FHIT: variants seen among roughly 807,000 people sequenced by gnomAD.
The protein encoded by FHIT is fragile histidine triad diadenosine triphosphatase.
A neutral mutation model predicts 17.9 loss-of-function variants in FHIT; 19 were observed. The observed-to-expected ratio is 1.06, with a 90% CI of 0.74 to 1.56. FHIT has a LOEUF of 1.56. Among genes scored for constraint, FHIT ranks in the 40% most tolerant of loss-of-function variants. The pLI, the probability that FHIT is intolerant of heterozygous loss-of-function variation, is 0.00. For missense variants in FHIT, 248 were observed against 189.2 expected, an observed-to-expected ratio of 1.31 and a Z score of -1.82; for synonymous variants, 81 against 69.7, an observed-to-expected ratio of 1.16 and a Z score of -0.81.
At chr3:61,180,935 T>C (rs2038322133) in intron 2 of FHIT, among the ~76,000 whole-genome samples, 1 of 152,224 alleles carries the variant, frequency 6.6e-6, no homozygotes, top group African/African-American at 2.4e-5. Context: ...CTTTAAATTA[T>C]CAATTTAATA....
intron 5 of FHIT, among the ~76,000 whole-genome samples, chr3:60,102,875 A>G (rs986749654): frequency 6.6e-6 from 1 of 152,230 alleles, no homozygotes; most frequent in Non-Finnish European, 1.5e-5. Context: ...CGTGTCTGAT[A>G]AAATCACAAT....
intron 3 of FHIT, among the ~76,000 whole-genome samples, chr3:60,890,448 C>T (rs563043187): frequency 1.3e-5 from 2 of 152,256 alleles, no homozygotes; most frequent in Admixed American, 1.3e-4. Context: ...AATTCCTGAC[C>T]TACAGAACCT....
At chr3:60,155,851 C>A (rs1280874414) in intron 5 of FHIT, among the ~76,000 whole-genome samples, 1 of 152,250 alleles carries the variant, frequency 6.6e-6, no homozygotes, top group East Asian at 1.9e-4. Flanking sequence ...CAACCGTCAC[C>A]CAAGTAAAGT....
intron 5 of FHIT, among the ~76,000 whole-genome samples, chr3:60,362,470 T>C (rs1456560242): frequency 6.6e-6 from 1 of 152,330 alleles, no homozygotes; most frequent in East Asian, 1.9e-4. Context: ...ACCACACTTT[T>C]TGTTTCTAGC....
chr3:60,559,414 C>T (rs1178235508), intron 4 of FHIT, among the ~76,000 whole-genome samples: 1 of 152,190 alleles, frequency 6.6e-6, no homozygotes, highest in East Asian at 1.9e-4. Context: ...CTCTCAGTTA[C>T]AGCTAAATTC....
intron 5 of FHIT, among the ~76,000 whole-genome samples, chr3:60,432,742 A>G (rs1425742837): frequency 3.9e-5 from 6 of 152,264 alleles, no homozygotes; most frequent in Non-Finnish European, 7.4e-5. Context: ...TGGTGACAGG[A>G]GTAAAATTAA....
chr3:61,122,988 C>T (rs2036502635), intron 2 of FHIT, among the ~76,000 whole-genome samples: 1 of 152,178 alleles, frequency 6.6e-6, no homozygotes, highest in Non-Finnish European at 1.5e-5. Context: ...TCTGACCCAG[C>T]AATCCCATTA....
chr3:60,086,220 C>T (rs1007136966), intron 5 of FHIT, among the ~76,000 whole-genome samples: 1 of 152,146 alleles, frequency 6.6e-6, no homozygotes, highest in Non-Finnish European at 1.5e-5. Context: ...TGAGAACTTG[C>T]TTAACCCAAA....
chr3:60,968,444 G>A (rs1709852961), intron 3 of FHIT, among the ~76,000 whole-genome samples: 1 of 147,282 alleles, frequency 6.8e-6, no homozygotes, highest in Non-Finnish European at 1.5e-5. Flanking sequence ...TCGAGATGGA[G>A]TCTCACTCTG....
intron 5 of FHIT, among the ~76,000 whole-genome samples, chr3:60,089,987 G>A (rs773272560): frequency 1.3e-5 from 2 of 152,152 alleles, no homozygotes; most frequent in Non-Finnish European, 2.9e-5. Context: ...CATCACTTAT[G>A]TAGTGCTTAC....
chr3:60,366,490 T>C (rs1221090604), intron 5 of FHIT, among the ~76,000 whole-genome samples: 3 of 152,186 alleles, frequency 2.0e-5, no homozygotes, highest in Non-Finnish European at 4.4e-5. Context: ...CCCTCCAAAA[T>C]TCATACTGAA....
In FHIT at chr3:59,894,421, C is replaced by T. The variant is rs1703978967; in HGVS notation, c.348+27925G>A. Among the ~76,000 whole-genome samples the T allele has an allele frequency of 4.6e-5, 7 of 152,146 alleles. No individual in the cohort carries two copies. In the South Asian group the frequency reaches 1.5e-3, roughly 32 times the overall value. On this transcript the variant is annotated intron_variant, in intron 8 of 9. Coordinates refer to ENST00000492590, the MANE Select transcript of FHIT (RefSeq NM_002012.4). ...ATTTACACTTCATAAACATTAGCATCATAACCAGGAGGACTAATTGCCATT... is the reference window on the plus strand; with the variant it reads ...ATTTACACTTCATAAACATTAGCATTATAACCAGGAGGACTAATTGCCATT...
chr3:59,922,328 C>A lies in FHIT; in HGVS notation c.348+18G>T, dbSNP rs1349104091. The A allele has an allele frequency of 6.2e-7, 1 of 1,602,880 alleles. No individual in the cohort carries two copies. On this transcript the variant is annotated intron_variant, in intron 8 of 9. Coordinates refer to ENST00000492590, the MANE Select transcript of FHIT (RefSeq NM_002012.4). ...AGTCCCCGTGATCAAACAATAAGAT[C>A]AGAGAGAACAGACCCACCTCCTCAT...
At chr3:60,366,169 C>G (rs966713297) in intron 5 of FHIT, among the ~76,000 whole-genome samples, 1 of 152,188 alleles carries the variant, frequency 6.6e-6, no homozygotes, top group Non-Finnish European at 1.5e-5. Context: ...GAAAAAGGCG[C>G]TATGTTCAGT....
chr3:61,111,089 A>G (rs2036145377), intron 2 of FHIT, among the ~76,000 whole-genome samples: 1 of 152,238 alleles, frequency 6.6e-6, no homozygotes, highest in African/African-American at 2.4e-5. Context: ...AATAAGCTAT[A>G]TACATTCTAA....
intron 5 of FHIT, among the ~76,000 whole-genome samples, chr3:60,112,478 T>C (rs1704719148): frequency 6.6e-6 from 1 of 152,124 alleles, no homozygotes; most frequent in South Asian, 2.1e-4. Context: ...CTCAGAAAGC[T>C]GGAGAGTGGG....
At chr3:61,122,212 C>T (rs1164471075) in intron 2 of FHIT, among the ~76,000 whole-genome samples, 1 of 152,184 alleles carries the variant, frequency 6.6e-6, no homozygotes, top group East Asian at 1.9e-4. Flanking sequence ...ACATCTACAA[C>T]CATCAGATCT....
At chr3:60,744,258 C>CAAAAAAAAAAAAAAAAAAAAAAAAAAAA (rs371224955) in intron 4 of FHIT, among the ~76,000 whole-genome samples, 1 of 95,640 alleles carries the variant, frequency 1.0e-5, no homozygotes, top group African/African-American at 4.1e-5. Context: ...AAAAAAAAAA[C>CAAAAAAAAAAAAAAAAAAAAAAAAAAAA]AAAACAAAAC....
At chr3:60,863,026 A>G (rs1703990646) in intron 3 of FHIT, among the ~76,000 whole-genome samples, 1 of 152,154 alleles carries the variant, frequency 6.6e-6, no homozygotes, top group African/African-American at 2.4e-5. Flanking sequence ...GGTTGTAAAA[A>G]CATAAGTGGA....
Sources: gnomAD v4.1 joint callset for allele counts (sites outside exome capture counted in the v4.1 genomes callset) on GRCh38, gnomAD v4.1.1 for gene constraint, MANE v1.5 for transcripts, NCBI Gene and HGNC (gene_info 2026-07-23, HGNC 2026-07-21) for gene names.